Variants in ACAD11 observed in about 807,000 individuals in gnomAD.
ACAD11 encodes the protein acyl-Coenzyme A dehydrogenase family, member 11.
Under a neutral mutation model 102.2 loss-of-function variants are expected in ACAD11, and 83 were observed. The ratio of observed to expected loss-of-function variants is 0.81; its 90% confidence interval spans 0.68 to 0.97. The LOEUF (loss-of-function observed/expected upper bound fraction) is 0.97. Ranked by LOEUF, ACAD11 falls within the 50% of genes least tolerant of loss-of-function variation. ACAD11 has a pLI of 0.00. For missense variants in ACAD11, 901 were observed against 951.7 expected (o/e 0.95, Z 0.70); for synonymous variants, 324 against 319.8 (o/e 1.01, Z -0.14).
At chr3:132,648,209 G>C (rs1028162317) in intron 1 of ACAD11, among the ~76,000 whole-genome samples, 23 of 152,052 alleles carry the variant, frequency 1.5e-4, no homozygotes, top group African/African-American at 5.6e-4. Flanking sequence ...CTACACTTAG[G>C]GAAGCCCAAA....
At chr3:132,597,362 T>C (rs1276364544) in intron 13 of ACAD11, 3 of 151,960 alleles carry the variant, frequency 2.0e-5, no homozygotes, top group Non-Finnish European at 4.4e-5. Context: ...GACTTGAATA[T>C]TTTTTTAAGC....
intron 17 of ACAD11, among the ~76,000 whole-genome samples, chr3:132,574,703 C>T (rs2107790328): frequency 6.6e-6 from 1 of 152,312 alleles, no homozygotes; most frequent in South Asian, 2.1e-4. Context: ...AAAGAGTGAA[C>T]ATTTAATAAT....
chr3:132,602,553 C>G (rs1317129129), intron 13 of ACAD11, among the ~76,000 whole-genome samples: 1 of 152,032 alleles, frequency 6.6e-6, no homozygotes, highest in Non-Finnish European at 1.5e-5. Context: ...TACAGCTTAT[C>G]TTTTTTAAAA....
At chr3:132,579,187 T>C (rs753515846) in intron 14 of ACAD11, 5 of 840,920 alleles carry the variant, frequency 5.9e-6, no homozygotes, top group Non-Finnish European at 8.5e-6. Flanking sequence ...TCTAAACATC[T>C]AATCACTTCA....
At chr3:132,618,568 T>G in intron 11 of ACAD11, 66 bp downstream of exon 11, 1 of 1,340,534 alleles carries the variant, frequency 7.5e-7, no homozygotes, top group Non-Finnish European at 9.9e-7. Flanking sequence ...ATTCTTATCA[T>G]ATATAGAAAT....
chr3:132,576,810 A>G (rs1937530839), intron 16 of ACAD11, 134 bp downstream of exon 16: 2 of 686,262 alleles, frequency 2.9e-6, no homozygotes, highest in African/African-American at 1.9e-5. Context: ...AAAAACCGCA[A>G]TAACTTTTGC....
chr3:132,628,560 G>A (rs764697462), intron 7 of ACAD11, 114 bp from the exon 8 acceptor site: 11 of 663,602 alleles, frequency 1.7e-5, no homozygotes, highest in East Asian at 8.6e-5. Context: ...GTATGAAGAC[G>A]TAAAACAGAC....
chr3:132,622,120 AG>A (rs1939632673), intron 9 of ACAD11, among the ~76,000 whole-genome samples: 1 of 152,202 alleles, frequency 6.6e-6, no homozygotes, highest in Non-Finnish European at 1.5e-5. Context: ...TTCTACACTT[AG>A]GCTAGTGGTA....
rs1180346224 is a variant in ACAD11, at chr3:132,618,643, G to A, written c.1405C>T (p.Gln469Ter). 1.9e-6 allele frequency: 3 copies of A among 1,591,752 alleles called. No individual in the cohort carries two copies. Among genetic ancestry groups the A allele is most frequent in the African/African-American group, 1.4e-5 (1 of 73,574 alleles). ...CFFAPDVFNC[Q>*]APDTGNMEVL... ...CAATTAATGTAGTAACCTGGTGCTT[G>A]GCAGTTAAAGACATCTGGAGCAAAA... The change falls in exon 11 of 20, where the codon CAA becomes TAA. Residue 469 changes from glutamine to a stop codon, truncating the protein, a stop_gained. Coordinates refer to ENST00000264990, the MANE Select transcript of ACAD11 (RefSeq NM_032169.5). LOFTEE classifies it high-confidence loss of function.
intron 1 of ACAD11, among the ~76,000 whole-genome samples, chr3:132,653,164 A>C (rs949702759): frequency 1.3e-5 from 2 of 152,172 alleles, no homozygotes; most frequent in African/African-American, 4.8e-5. Context: ...AAAGTGAACC[A>C]CATCTGGCAA....
chr3:132,606,980 C>G (rs542713382), intron 11 of ACAD11, among the ~76,000 whole-genome samples: 2 of 152,128 alleles, frequency 1.3e-5, no homozygotes, highest in African/African-American at 4.8e-5. Context: ...TTGTGATATC[C>G]GGGCAAACAG....
At chr3:132,649,063 C>T (rs1015947143) in intron 1 of ACAD11, among the ~76,000 whole-genome samples, 2 of 152,220 alleles carry the variant, frequency 1.3e-5, no homozygotes, top group African/African-American at 4.8e-5. Flanking sequence ...TCTCCAGTCT[C>T]GATAAACCAG....
At chr3:132,600,547 A>G (rs1451796464) in intron 13 of ACAD11, 6 of 1,613,984 alleles carry the variant, frequency 3.7e-6, no homozygotes, top group South Asian at 1.1e-5. Flanking sequence ...TCCTCACAAT[A>G]GTTTTCGTCA....
chr3:132,654,378 T>A (rs141870879), intron 1 of ACAD11: 1 of 152,364 alleles, frequency 6.6e-6, no homozygotes, highest in African/African-American at 2.4e-5. Context: ...GAGTCACTTA[T>A]GACAAGTGAC....
rs1424879353 is a variant in ACAD11, at chr3:132,561,094, G to C, written c.2118+7C>G. ...GTTGGTGGTCTGAGGGGAGAAGGTA[G>C]CCTCACCTCTTTCTTAGCGCCAGCA... On this transcript the variant is annotated splice_region_variant and intron_variant, in intron 18 of 19. Transcript: ENST00000264990. 6.2e-7 allele frequency: 1 copy of C among 1,602,844 alleles called. No individual in the cohort carries two copies. The highest frequency in any genetic ancestry group is 1.3e-5 in the African/African-American group (1 of 74,708).
chr3:132,642,071 A>T lies in ACAD11; in HGVS notation c.438T>A (p.Tyr146Ter), dbSNP rs1447419909. Residue 146 changes from tyrosine to a stop codon, truncating the protein, a stop_gained, in exon 4 of 20, where the codon TAT (tyrosine) becomes TAA (stop). Transcript: ENST00000264990. LOFTEE classifies it high-confidence loss of function. The stretch of plus-strand genomic sequence containing the variant: ...GAGCCAATGTTTCTACCGTGGCCAC[A>T]TATATGGCTGAACGTTCTGCTGGGC... ...GLSPAERSAI[Y>*]VATVETLAQL... is the part of the protein sequence containing the mutation. 5.6e-6 allele frequency: 9 copies of T among 1,614,106 alleles called. No individual in the cohort carries two copies. The highest frequency in any genetic ancestry group is 7.6e-6 in the Non-Finnish European group (9 of 1,179,974).
At chr3:132,621,159 C>T (rs1177483650) in intron 9 of ACAD11, 1 of 152,112 alleles carries the variant, frequency 6.6e-6, no homozygotes, top group Admixed American at 6.5e-5. Flanking sequence ...ACTGATAAGA[C>T]AGCAATCCTC....
intron 5 of ACAD11, among the ~76,000 whole-genome samples, chr3:132,634,165 G>C (rs1009416600): frequency 6.6e-6 from 1 of 152,140 alleles, no homozygotes; most frequent in Non-Finnish European, 1.5e-5. Flanking sequence ...ATCTGACAAA[G>C]GGCTAATATC....
At chr3:132,651,075 C>T (rs1404886047) in intron 1 of ACAD11, among the ~76,000 whole-genome samples, 1 of 152,156 alleles carries the variant, frequency 6.6e-6, no homozygotes, top group Non-Finnish European at 1.5e-5. Context: ...GATCCTGTTT[C>T]CTTTGTAGGC....
Sources: allele counts gnomAD v4.1 joint callset (sites outside exome capture counted in the v4.1 genomes callset), GRCh38; gene constraint gnomAD v4.1.1; transcripts MANE v1.5; gene names NCBI Gene and HGNC (gene_info 2026-07-23, HGNC 2026-07-21).